The following RTKN2 variants were observed in gnomAD, a reference collection of about 807,000 sequenced individuals.
RTKN2 encodes rhotekin-2.
Under a neutral mutation model 71.5 loss-of-function variants are expected in RTKN2, and 69 were observed. The observed-to-expected ratio is 0.96, with a 90% CI of 0.79 to 1.18. RTKN2 has a LOEUF of 1.18. Among genes scored for constraint, RTKN2 ranks in the 50% most tolerant of loss-of-function variants. RTKN2 has a pLI of 0.00. For synonymous variants in RTKN2, 236 were observed against 236.5 expected (o/e 1.00, Z 0.02); for missense variants, 724 against 719.7 (o/e 1.01, Z -0.07).
In RTKN2 at chr10:62,196,793, A is replaced by C; in HGVS notation, c.*1115T>G. The C allele has an allele frequency of 1.0e-6, 1 of 976,338 alleles. No homozygotes were observed. The highest frequency in any genetic ancestry group is 1.2e-6 in the Non-Finnish European group (1 of 821,694). 60.5% of individuals were successfully genotyped at this position (976,338 alleles called of 1,614,324 possible). ...TTAAAACTGTTCTGCTCTTGTTTACAAAAAGCATTATTATAAAAAATGGAT... is the reference window on the plus strand; with the variant it reads ...TTAAAACTGTTCTGCTCTTGTTTACCAAAAGCATTATTATAAAAAATGGAT... On this transcript the variant is annotated 3_prime_UTR_variant, in exon 12 of 12. Coordinates refer to ENST00000373789, the MANE Select transcript of RTKN2 (RefSeq NM_145307.4).
At chr10:62,213,998 A>G (rs1841716047) in intron 9 of RTKN2, among the ~76,000 whole-genome samples, 1 of 152,056 alleles carries the variant, frequency 6.6e-6, no homozygotes, top group South Asian at 2.1e-4. Flanking sequence ...GGAAGTTTTC[A>G]GGTGAATGGA....
intron 9 of RTKN2, among the ~76,000 whole-genome samples, chr10:62,209,712 G>A (rs1488246678): frequency 6.6e-6 from 1 of 152,002 alleles, no homozygotes; most frequent in Non-Finnish European, 1.5e-5. Flanking sequence ...GAGAAAATGT[G>A]GTATTTGGTT....
chr10:62,213,467 A>G (rs116714097), intron 9 of RTKN2, among the ~76,000 whole-genome samples: 2 of 152,216 alleles, frequency 1.3e-5, no homozygotes, highest in Non-Finnish European at 2.9e-5. Flanking sequence ...TCGAGGATGC[A>G]TAATCCCTGA....
chr10:62,205,734 T>C (rs1352249548), intron 9 of RTKN2, among the ~76,000 whole-genome samples: 1 of 152,196 alleles, frequency 6.6e-6, no homozygotes, highest in African/African-American at 2.4e-5. Context: ...TAGAATGCTA[T>C]TATGATGACA....
At chr10:62,253,544 A>G (rs1410881821) in intron 2 of RTKN2, among the ~76,000 whole-genome samples, 1 of 152,196 alleles carries the variant, frequency 6.6e-6, no homozygotes, top group Non-Finnish European at 1.5e-5. Context: ...TAACTTCAAA[A>G]GCCAATGTGA....
intron 11 of RTKN2, 85 bp from the exon 12 acceptor site, chr10:62,198,528 A>G: frequency 9.6e-7 from 1 of 1,040,014 alleles, no homozygotes; most frequent in Non-Finnish European, 1.3e-6. Context: ...CCAAACTAGT[A>G]TGCTATATAC....
chr10:62,260,558 A>AATGACAAAG (rs1842754782), intron 2 of RTKN2, among the ~76,000 whole-genome samples: 1 of 151,440 alleles, frequency 6.6e-6, no homozygotes, highest in African/African-American at 2.4e-5. Flanking sequence ...GTGTGTGTAT[A>AATGACAAAG]ATGACAAAGA....
chr10:62,260,658 T>C (rs970118238), intron 2 of RTKN2, among the ~76,000 whole-genome samples: 4 of 152,198 alleles, frequency 2.6e-5, no homozygotes, highest in African/African-American at 9.6e-5. Flanking sequence ...ATCACTGCTA[T>C]ATAAATTGAA....
chr10:62,237,306 A>G (rs937106217), intron 5 of RTKN2, among the ~76,000 whole-genome samples: 3 of 151,988 alleles, frequency 2.0e-5, no homozygotes, highest in Non-Finnish European at 2.9e-5. Flanking sequence ...AATCTCCTCA[A>G]TAAGTGCAAG....
chr10:62,244,988 T>G (rs530573346), intron 3 of RTKN2, among the ~76,000 whole-genome samples: 1 of 152,314 alleles, frequency 6.6e-6, no homozygotes, highest in East Asian at 1.9e-4. Flanking sequence ...TACAAGACTT[T>G]TAGCCAATAA....
intron 11 of RTKN2, among the ~76,000 whole-genome samples, chr10:62,199,385 A>C (rs2132800173): frequency 6.6e-6 from 1 of 152,328 alleles, no homozygotes; most frequent in South Asian, 2.1e-4. Context: ...ACTACTTGGA[A>C]ACAAATTTAA....
intron 10 of RTKN2, among the ~76,000 whole-genome samples, chr10:62,203,551 G>A (rs1415348661): frequency 1.3e-5 from 2 of 152,074 alleles, no homozygotes; most frequent in East Asian, 3.9e-4. Context: ...TACCATGTTG[G>A]TCAGGCTGGT....
In RTKN2 at chr10:62,268,643, C is replaced by A. The variant is rs769331266; in HGVS notation, c.-33G>T. 7 of 1,546,292 alleles carry A rather than the reference C, an allele frequency of 4.5e-6. No homozygotes were observed. The South Asian group carries it at 7.2e-5, about 16-fold the overall frequency. On this transcript the variant is annotated 5_prime_UTR_variant, in exon 1 of 12. Transcript: ENST00000373789. ...GCGAACTGTCCGGGCCGTCGCCACTCCTTCAAAGGGAAGATTTGAAAAGCC... is the reference window on the plus strand; with the variant it reads ...GCGAACTGTCCGGGCCGTCGCCACTACTTCAAAGGGAAGATTTGAAAAGCC...
At position 62,194,605 on chromosome 10, in the gene RTKN2, C is replaced by T. The variant is rs769604126; in HGVS notation, c.*3303G>A. ...CTGTCCATGTAGTATAGTTGTGCCT[C>T]ATTCGTGGTAACACAGGTGATTACA... On this transcript the variant is annotated 3_prime_UTR_variant, in exon 12 of 12. Coordinates refer to ENST00000373789, the MANE Select transcript of RTKN2 (RefSeq NM_145307.4). 1 of 985,434 alleles carries T rather than the reference C, an allele frequency of 1.0e-6. No homozygotes were observed. The highest frequency in any genetic ancestry group is 1.2e-6 in the Non-Finnish European group (1 of 829,926). The allele number at this position is 985,434 out of a possible 1,614,324, so 61.0% of individuals were successfully genotyped here.
In RTKN2 at chr10:62,236,163, G is replaced by C; in HGVS notation, c.589C>G (p.Leu197Val). Residue 197 changes from leucine to valine, a missense_variant, in exon 6 of 12, where the codon CTC becomes GTC. Physicochemically the swap from Leu to Val is conservative, Grantham distance 32. Transcript: ENST00000373789. Reference sequence around the variant, plus strand: ...GTAGCTTTACTTATAGATGTCTTGAGTTTCTTAGCTAGCTTTTTTGGTGTG... The same window carrying C: ...GTAGCTTTACTTATAGATGTCTTGACTTTCTTAGCTAGCTTTTTTGGTGTG... The part of the protein sequence containing the change: ...TNTPKKLAKK[L>V]KTSISKATGK... 6.2e-7 allele frequency: 1 copy of C among 1,611,604 alleles called. No homozygotes were observed. The highest frequency in any genetic ancestry group is 1.7e-4 in the Middle Eastern group (1 of 6,030).
rs974199714 is a variant in RTKN2 at position 62,268,703 on chromosome 10, C to T, written c.-93G>A. 3 of 1,323,832 alleles carry T rather than the reference C, an allele frequency of 2.3e-6. No individual in the cohort carries two copies. Among genetic ancestry groups the T allele is most frequent in the Admixed American group, 2.2e-5 (1 of 45,856 alleles). The allele number at this position is 1,323,832 out of a possible 1,614,324, so 82.0% of individuals were successfully genotyped here. ...CAGGAGCCGCAGAGGACGCCAACCG[C>T]CCGGCCGTACCAAGTCCCAGTCGCA... On this transcript the variant is annotated 5_prime_UTR_variant, in exon 1 of 12. Transcript: ENST00000373789.
intron 2 of RTKN2, among the ~76,000 whole-genome samples, chr10:62,254,859 C>T (rs1363014944): frequency 2.0e-5 from 3 of 151,998 alleles, no homozygotes; most frequent in Non-Finnish European, 4.4e-5. Context: ...GTCCTAGGTA[C>T]TTGGGAGGCT....
chr10:62,202,314 T>C (rs1341960418), intron 10 of RTKN2, among the ~76,000 whole-genome samples: 1 of 152,236 alleles, frequency 6.6e-6, no homozygotes, highest in Non-Finnish European at 1.5e-5. Context: ...CCTGGTTTTC[T>C]ATTCTTAAAT....
In RTKN2 at chr10:62,241,181, G is replaced by C. The variant is rs757900952; in HGVS notation, c.331C>G (p.Leu111Val). ...AAGTGATCAGAGTCTTTCCACATTA[G>C]TGGTATTCGAATATCTATAAAGAAG... Reference protein sequence around the residue: ...KIAISDIRIPLMWKDSDHFSN... With the variant: ...KIAISDIRIPVMWKDSDHFSN... Residue 111 changes from leucine (L) to valine (V), a missense_variant, in exon 4 of 12, where the codon CTA becomes GTA. Coordinates refer to ENST00000373789, the MANE Select transcript of RTKN2 (RefSeq NM_145307.4). 7.7e-6 allele frequency: 12 copies of C among 1,565,104 alleles called. No homozygotes were observed. Among genetic ancestry groups the C allele is most frequent in the South Asian group, 1.2e-5 (1 of 86,708 alleles).
Sources: allele counts gnomAD v4.1 joint callset (sites outside exome capture counted in the v4.1 genomes callset), GRCh38; gene constraint gnomAD v4.1.1; transcripts MANE v1.5; gene names NCBI Gene and HGNC (gene_info 2026-07-23, HGNC 2026-07-21).